Variants in FRMD4A observed in about 807,000 individuals in gnomAD.
The protein encoded by FRMD4A is FERM domain-containing protein 4A.
A neutral mutation model predicts 129.1 loss-of-function variants in FRMD4A; 29 were observed. That is an observed-to-expected ratio of 0.22 (90% CI 0.17 to 0.31). FRMD4A has a LOEUF of 0.31. Among genes scored for constraint, FRMD4A ranks in the 10% least tolerant of loss-of-function variants. The probability of loss-of-function intolerance (pLI) is 1.00; values close to 1 mark genes in which losing one functional copy is unlikely to be tolerated. For missense variants in FRMD4A, 1,272 were observed against 1,375.8 expected (o/e 0.92, Z 1.19); for synonymous variants, 634 against 571.6 (o/e 1.11, Z -1.56).
chr10:13,752,835 G>A (rs555529817), intron 8 of FRMD4A, among the ~76,000 whole-genome samples: 2 of 152,246 alleles, frequency 1.3e-5, no homozygotes, highest in South Asian at 4.1e-4. Flanking sequence ...CCCATCTGGC[G>A]GCAAACTTCA....
At chr10:13,804,714 C>CTTTT (rs35111872) in intron 4 of FRMD4A, among the ~76,000 whole-genome samples, 3 of 127,734 alleles carry the variant, frequency 2.3e-5, no homozygotes, top group Non-Finnish European at 3.3e-5. Context: ...CCAGCTAATT[C>CTTTT]TTTTTTTTTT....
chr10:14,267,383 T>C (rs1264983696), intron 2 of FRMD4A, among the ~76,000 whole-genome samples: 2 of 152,112 alleles, frequency 1.3e-5, no homozygotes, highest in East Asian at 3.9e-4. Context: ...CCCTGGTAAG[T>C]AGGTATTGCT....
In FRMD4A at chr10:13,747,833, T is replaced by C. The variant is rs778345540; in HGVS notation, c.465-14A>G. 51 of 1,493,198 alleles carry C rather than the reference T, an allele frequency of 3.4e-5. No individual in the cohort carries two copies. In the South Asian group the frequency reaches 5.6e-4, roughly 17 times the overall value. The allele number at this position is 1,493,198 out of a possible 1,614,324, so 92.5% of individuals were successfully genotyped here. A position where few individuals can be genotyped will look rare whatever the true frequency, so the allele number is the denominator to read the frequency against. On this transcript the variant is annotated splice_polypyrimidine_tract_variant and intron_variant, in intron 8 of 24. Transcript: ENST00000357447. ...ACAACTTCATTGCTGAAAGAGAGAA[T>C]GCCCAGAAACGCACTCACCCTCTGA...
rs560540448 is a variant in FRMD4A, at chr10:13,834,719, G to A, written c.112-23811C>T. ...AGAACAAGGCACGGGGCTCCACAGG[G>A]GGTGAACAGGGAACTGAGACCAGCC... On this transcript the variant is annotated intron_variant, in intron 3 of 24. Transcript: ENST00000357447. 4.6e-5 allele frequency among the ~76,000 whole-genome samples: 7 copies of A among 152,260 alleles called. No homozygotes were observed. In the South Asian group the frequency reaches 1.5e-3, roughly 32 times the overall value.
chr10:13,798,759 A>G (rs1358065040), intron 4 of FRMD4A, among the ~76,000 whole-genome samples: 1 of 152,224 alleles, frequency 6.6e-6, no homozygotes, highest in Non-Finnish European at 1.5e-5. Context: ...TAAGTAAAAT[A>G]ACAGGAGCAA....
At chr10:13,974,566 G>A (rs192560873) in intron 2 of FRMD4A, among the ~76,000 whole-genome samples, 8 of 152,072 alleles carry the variant, frequency 5.3e-5, no homozygotes, top group African/African-American at 9.6e-5. Context: ...TCGCTCTGTC[G>A]CCCAGGGTGG....
At chr10:13,816,778 C>T (rs946983103) in intron 3 of FRMD4A, among the ~76,000 whole-genome samples, 3 of 152,168 alleles carry the variant, frequency 2.0e-5, no homozygotes, top group Non-Finnish European at 4.4e-5. Flanking sequence ...TTGCAGGGAT[C>T]GGACTGGGAG....
intron 2 of FRMD4A, among the ~76,000 whole-genome samples, chr10:14,209,070 G>A (rs1282644712): frequency 6.6e-6 from 1 of 152,052 alleles, no homozygotes; most frequent in Non-Finnish European, 1.5e-5. Context: ...AGTAAATGCA[G>A]GGTTGAAGGA....
At chr10:13,857,279 C>T (rs1792655140) in intron 3 of FRMD4A, among the ~76,000 whole-genome samples, 1 of 151,984 alleles carries the variant, frequency 6.6e-6, no homozygotes, top group African/African-American at 2.4e-5. Context: ...AGAATTTATG[C>T]AGCTGTTCAG....
intron 2 of FRMD4A, among the ~76,000 whole-genome samples, chr10:14,213,015 T>C (rs1459997329): frequency 6.6e-6 from 1 of 152,088 alleles, no homozygotes; most frequent in Non-Finnish European, 1.5e-5. Flanking sequence ...GGCAGGAGGA[T>C]CTCTTGAGGC....
At chr10:13,813,312 G>C (rs992976899) in intron 3 of FRMD4A, among the ~76,000 whole-genome samples, 2 of 152,234 alleles carry the variant, frequency 1.3e-5, no homozygotes, top group Non-Finnish European at 2.9e-5. Flanking sequence ...AGGCGTGGTG[G>C]CGTGTGCTTG....
At chr10:14,022,541 C>T (rs1382939428) in intron 2 of FRMD4A, among the ~76,000 whole-genome samples, 1 of 152,072 alleles carries the variant, frequency 6.6e-6, no homozygotes, top group Admixed American at 6.5e-5. Flanking sequence ...TTAAATGCTT[C>T]TCAAGGGAGA....
intron 5 of FRMD4A, among the ~76,000 whole-genome samples, chr10:13,789,668 C>A (rs543594096): frequency 6.6e-6 from 1 of 151,042 alleles, no homozygotes; most frequent in South Asian, 2.1e-4. Flanking sequence ...GCCTGGTGAA[C>A]AATATCAGAG....
In FRMD4A at chr10:13,646,018, C is replaced by T. The variant is rs374178546; in HGVS notation, c.*1020G>A. 1 of 152,420 alleles carries T rather than the reference C, an allele frequency of 6.6e-6. No homozygotes were observed. The highest frequency in any genetic ancestry group is 1.5e-5 in the Non-Finnish European group (1 of 68,064). The allele number at this position is 152,420 out of a possible 1,614,324, so 9.4% of individuals were successfully genotyped here. ...TTTGAGTCTTGGGCTCGGCTGAACC[C>T]CCTGCATGGACCGGGGCTAACAGTA... On this transcript the variant is annotated 3_prime_UTR_variant, in exon 25 of 25. Transcript: ENST00000357447.
At chr10:14,062,469 A>G (rs1834860383) in intron 2 of FRMD4A, among the ~76,000 whole-genome samples, 1 of 152,184 alleles carries the variant, frequency 6.6e-6, no homozygotes, top group Non-Finnish European at 1.5e-5. Context: ...AGGGAAAGAA[A>G]GTCTTAGCCA....
At chr10:14,251,234 A>G (rs1844429989) in intron 2 of FRMD4A, among the ~76,000 whole-genome samples, 1 of 152,188 alleles carries the variant, frequency 6.6e-6, no homozygotes, top group African/African-American at 2.4e-5. Flanking sequence ...GAAGTCAAGG[A>G]GTGTCACTTC....
chr10:13,985,772 G>A (rs2131413549), intron 2 of FRMD4A, among the ~76,000 whole-genome samples: 1 of 152,352 alleles, frequency 6.6e-6, no homozygotes, highest in East Asian at 1.9e-4. Context: ...CCCATCCTAA[G>A]CCTTTGACAC....
At chr10:14,261,142 C>A (rs551708489) in intron 2 of FRMD4A, among the ~76,000 whole-genome samples, 33 of 152,310 alleles carry the variant, frequency 2.2e-4, no homozygotes, top group African/African-American at 7.7e-4. Flanking sequence ...AGTACCCAAT[C>A]CTTCCTTCCC....
intron 12 of FRMD4A, among the ~76,000 whole-genome samples, chr10:13,714,792 C>A (rs1004137599): frequency 1.3e-5 from 2 of 152,108 alleles, no homozygotes; most frequent in Admixed American, 1.3e-4. Flanking sequence ...GTAATCCCAG[C>A]ACTTTGGGAG....
Sources: gnomAD v4.1 joint callset for allele counts (sites outside exome capture counted in the v4.1 genomes callset) on GRCh38, gnomAD v4.1.1 for gene constraint, MANE v1.5 for transcripts, NCBI Gene and HGNC (gene_info 2026-07-23, HGNC 2026-07-21) for gene names.